Variants in CELF4 observed in about 807,000 individuals in gnomAD.
CELF4 encodes CUGBP Elav-like family member 4.
In CELF4, 18 loss-of-function variants were observed where a neutral mutation model predicts 59.9. That is an observed-to-expected ratio of 0.30 (90% CI 0.21 to 0.45). CELF4 has a LOEUF of 0.45. Ranked by LOEUF, CELF4 falls within the 20% of genes least tolerant of loss-of-function variation. CELF4 has a pLI of 1.00. For missense variants in CELF4, 456 were observed against 689.0 expected, an observed-to-expected ratio of 0.66 and a Z score of 3.79; for synonymous variants, 261 against 267.1, an observed-to-expected ratio of 0.98 and a Z score of 0.22.
intron 2 of CELF4, among the ~76,000 whole-genome samples, chr18:37,325,378 C>A (rs2097271177): frequency 6.6e-6 from 1 of 152,148 alleles, no homozygotes. Flanking sequence ...ATTCGCCTGG[C>A]CAGGATAGAG....
At chr18:37,337,520 T>C (rs913786800) in intron 2 of CELF4, among the ~76,000 whole-genome samples, 3 of 152,024 alleles carry the variant, frequency 2.0e-5, no homozygotes, top group African/African-American at 7.2e-5. Flanking sequence ...ATTCATTCCC[T>C]CCCTCATTTG....
In CELF4 at chr18:37,253,755, G is replaced by T. The variant is rs1270126585; in HGVS notation, c.*44+12C>A. ...CAACCCCCGTCCCCGCGCCCCGGCCGCCCCCGGTTACCTGTGCGAGTCCTG... is the reference window on the plus strand; with the variant it reads ...CAACCCCCGTCCCCGCGCCCCGGCCTCCCCCGGTTACCTGTGCGAGTCCTG... On this transcript the variant is annotated intron_variant, in intron 12 of 12. Transcript: ENST00000420428. The surrounding 1 kb of genome is among the most constrained non-coding windows in gnomAD (Gnocchi z 4.5). The T allele has an allele frequency of 2.6e-6, 4 of 1,522,182 alleles. No individual in the cohort carries two copies. In the South Asian group the frequency reaches 4.7e-5, roughly 18 times the overall value. The allele number at this position is 1,522,182 out of a possible 1,614,324, so 94.3% of individuals were successfully genotyped here. A position where few individuals can be genotyped will look rare whatever the true frequency, so the allele number is the denominator to read the frequency against.
Position 37,455,910 on chromosome 18 carries a change from G to C in CELF4, c.369+29615C>G, listed in dbSNP as rs530991350. On this transcript the variant is annotated intron_variant, in intron 2 of 12. Transcript: ENST00000420428. ...TCGCAACCTCCTTCCTTTGGAGCCTGTCTGCACCCCCAGACGGGAAGGTCC... is the reference window on the plus strand; with the variant it reads ...TCGCAACCTCCTTCCTTTGGAGCCTCTCTGCACCCCCAGACGGGAAGGTCC... Among the ~76,000 whole-genome samples the C allele has an allele frequency of 5.6e-4, 86 of 152,310 alleles. 1 individual carries two copies. The highest frequency in any genetic ancestry group is 1.9e-3 in the African/African-American group (80 of 41,588).
chr18:37,294,338 G>A (rs921212072), intron 3 of CELF4, among the ~76,000 whole-genome samples: 1 of 152,206 alleles, frequency 6.6e-6, no homozygotes, highest in African/African-American at 2.4e-5. Context: ...CCAGAGACAA[G>A]GGCCATGGCC....
At chr18:37,562,776 C>T (rs999249319) in intron 1 of CELF4, among the ~76,000 whole-genome samples, 4 of 152,140 alleles carry the variant, frequency 2.6e-5, no homozygotes, top group Non-Finnish European at 4.4e-5. Flanking sequence ...AACCAGACCT[C>T]GGAAACGGTC....
rs554887342 is a variant in CELF4, at chr18:37,559,010, T to A, written c.286+6346A>T. On this transcript the variant is annotated intron_variant, in intron 1 of 12. Coordinates refer to ENST00000420428, the MANE Select transcript of CELF4 (RefSeq NM_020180.4). ...AAGCAGGCCAGCCTTAAAAGGGTGATGGGTGGGGAATGAGGATGGAACCCT... is the reference window on the plus strand; with the variant it reads ...AAGCAGGCCAGCCTTAAAAGGGTGAAGGGTGGGGAATGAGGATGGAACCCT... Among the ~76,000 whole-genome samples, 3 of 151,994 alleles carry A rather than the reference T, an allele frequency of 2.0e-5. No individual in the cohort carries two copies. In the East Asian group the frequency reaches 5.8e-4, roughly 30 times the overall value.
At chr18:37,391,171 A>G (rs1451567235) in intron 2 of CELF4, among the ~76,000 whole-genome samples, 1 of 152,072 alleles carries the variant, frequency 6.6e-6, no homozygotes, top group African/African-American at 2.4e-5. Context: ...AAGCATAAGA[A>G]GCAGGCAGGG....
intron 2 of CELF4, among the ~76,000 whole-genome samples, chr18:37,377,057 G>A (rs1025890836): frequency 3.9e-5 from 6 of 152,038 alleles, no homozygotes; most frequent in African/African-American, 1.5e-4. Context: ...CTAAAGCAAG[G>A]AGGAGAAATA....
chr18:37,533,826 C>T (rs2099971343), intron 1 of CELF4, among the ~76,000 whole-genome samples: 2 of 152,186 alleles, frequency 1.3e-5, no homozygotes. Flanking sequence ...AAAGGCATTG[C>T]CGTGACCAAA....
intron 2 of CELF4, among the ~76,000 whole-genome samples, chr18:37,388,851 G>A (rs2099127221): frequency 6.6e-6 from 1 of 152,040 alleles, no homozygotes; most frequent in Admixed American, 6.6e-5. Context: ...GGACCCTCTT[G>A]TCCAGGAGAC....
chr18:37,335,745 A>G (rs887120478), intron 2 of CELF4, among the ~76,000 whole-genome samples: 1 of 151,518 alleles, frequency 6.6e-6, no homozygotes, highest in Non-Finnish European at 1.5e-5. Flanking sequence ...CCACTCTCCT[A>G]CCCCTTAGAG....
intron 1 of CELF4, among the ~76,000 whole-genome samples, chr18:37,530,223 T>A (rs546737257): frequency 6.6e-6 from 1 of 152,354 alleles, no homozygotes; most frequent in Non-Finnish European, 1.5e-5. Flanking sequence ...TGATTTCATT[T>A]AATTCTCACC....
At chr18:37,334,529 G>A (rs2097691204) in intron 2 of CELF4, among the ~76,000 whole-genome samples, 1 of 152,022 alleles carries the variant, frequency 6.6e-6, no homozygotes, top group South Asian at 2.1e-4. Flanking sequence ...GTGAGAAGGG[G>A]GTGGCATTGT....
At chr18:37,459,823 T>C (rs904831457) in intron 2 of CELF4, among the ~76,000 whole-genome samples, 3 of 152,302 alleles carry the variant, frequency 2.0e-5, no homozygotes, top group African/African-American at 2.4e-5. Flanking sequence ...TCTATCCTCA[T>C]AGACTTTGGA....
chr18:37,330,551 C>T (rs2097502269), intron 2 of CELF4, among the ~76,000 whole-genome samples: 1 of 152,226 alleles, frequency 6.6e-6, no homozygotes, highest in South Asian at 2.1e-4. Context: ...AGGACACCCT[C>T]AGCAGTGATT....
At chr18:37,321,541 G>T (rs762737281) in intron 3 of CELF4, among the ~76,000 whole-genome samples, 94 of 152,324 alleles carry the variant, frequency 6.2e-4, no homozygotes, top group Non-Finnish European at 7.5e-4. Flanking sequence ...GAGGGGAGAA[G>T]AATATCCTGG....
At chr18:37,550,679 TG>T (rs2099982909) in intron 1 of CELF4, among the ~76,000 whole-genome samples, 2 of 152,252 alleles carry the variant, frequency 1.3e-5, no homozygotes, top group African/African-American at 4.8e-5. Flanking sequence ...GGTCCCTCTC[TG>T]CTGCAGCAGG....
At chr18:37,425,839 C>T (rs1490074268) in intron 2 of CELF4, among the ~76,000 whole-genome samples, 1 of 152,234 alleles carries the variant, frequency 6.6e-6, no homozygotes. Context: ...ACCATCAAGG[C>T]CTGCCTGATT....
intron 2 of CELF4, among the ~76,000 whole-genome samples, chr18:37,413,589 C>T (rs551281558): frequency 1.3e-5 from 2 of 152,324 alleles, no homozygotes; most frequent in African/African-American, 2.4e-5. Flanking sequence ...TTAGTCTGGT[C>T]TCCTAATCCA....
Sources: allele counts gnomAD v4.1 joint callset (sites outside exome capture counted in the v4.1 genomes callset), GRCh38; gene constraint gnomAD v4.1.1; non-coding constraint Gnocchi (gnomAD v3.1); transcripts MANE v1.5; gene names NCBI Gene and HGNC (gene_info 2026-07-23, HGNC 2026-07-21).